The following CFAP61 variants were observed in gnomAD, a reference collection of about 807,000 sequenced individuals.
CFAP61 encodes the protein cilia and flagella associated protein 61, also known as cilia- and flagella-associated protein 61.
A neutral mutation model predicts 135.6 loss-of-function variants in CFAP61; 107 were observed. The observed-to-expected ratio is 0.79, with a 90% CI of 0.67 to 0.93. The LOEUF (loss-of-function observed/expected upper bound fraction) is 0.93, where lower values mean the gene tolerates loss of function less well. Ranked by LOEUF, CFAP61 falls within the 40% of genes least tolerant of loss-of-function variation. The pLI, the probability that CFAP61 is intolerant of heterozygous loss-of-function variation, is 0.00. For missense variants in CFAP61, 1,507 were observed against 1,556.2 expected (o/e 0.97, Z 0.53); for synonymous variants, 575 against 578.5 (o/e 0.99, Z 0.09).
chr20:20,340,148 A>G (rs1413777619), intron 25 of CFAP61, among the ~76,000 whole-genome samples: 1 of 152,264 alleles, frequency 6.6e-6, no homozygotes, highest in Non-Finnish European at 1.5e-5. Context: ...CCTGGAGTGC[A>G]CAGCCTCAAG....
chr20:20,066,153 C>T (rs947028256), intron 2 of CFAP61, among the ~76,000 whole-genome samples: 3 of 151,968 alleles, frequency 2.0e-5, no homozygotes, highest in Non-Finnish European at 4.4e-5. Context: ...GTCAGAATGG[C>T]GATCATTAAA....
At chr20:20,175,495 TTTTGTTTTGTTTTG>T (rs1569067608) in intron 13 of CFAP61, among the ~76,000 whole-genome samples, 5 of 4,238 alleles carry the variant, frequency 1.2e-3, no homozygotes, top group South Asian at 0.018. Context: ...TTTGTTTTTG[TTTTGTTTTGTTTTG>T]TTTTGTTTTG....
In CFAP61 at chr20:20,222,245, A is replaced by T. The variant is rs1282873482; in HGVS notation, c.1933-6004A>T. ...ATTTTAGCTTTTAAAAACATGCAAA[A>T]TAATGATAATGCCCAAATAGGGAAT... On this transcript the variant is annotated intron_variant, in intron 17 of 26. Transcript: ENST00000245957. Among the ~76,000 whole-genome samples, 42 of 152,248 alleles carry T rather than the reference A, an allele frequency of 2.8e-4. 2 individuals carry two copies. The highest frequency in any genetic ancestry group is 2.9e-5 in the Non-Finnish European group (2 of 68,038).
chr20:20,264,041 G>A (rs1461202516), intron 21 of CFAP61, among the ~76,000 whole-genome samples: 2 of 151,838 alleles, frequency 1.3e-5, no homozygotes, highest in African/African-American at 2.4e-5. Context: ...CTGATTTTTG[G>A]TGGACCATTT....
chr20:20,284,593 G>C (rs2054447509), intron 22 of CFAP61, among the ~76,000 whole-genome samples: 1 of 152,064 alleles, frequency 6.6e-6, no homozygotes, highest in South Asian at 2.1e-4. Flanking sequence ...CCTTCAATTG[G>C]CTTTTTAACT....
intron 25 of CFAP61, among the ~76,000 whole-genome samples, chr20:20,335,183 GT>G (rs1419848899): frequency 1.3e-5 from 2 of 152,230 alleles, no homozygotes; most frequent in Non-Finnish European, 2.9e-5. Flanking sequence ...TATTCTGTGG[GT>G]TTTTTTCCCC....
Position 20,263,052 on chromosome 20 carries a change from A to G in CFAP61, c.2425A>G (p.Asn809Asp). ...QRRYTGKVPC[N>D]HFTLNEEEDC... ...GCGGTACACGGGGAAAGTTCCTTGCAACCATTTCACTCTCAACGAGGAAGA... is the reference window on the plus strand; with the variant it reads ...GCGGTACACGGGGAAAGTTCCTTGCGACCATTTCACTCTCAACGAGGAAGA... Residue 809 changes from asparagine (N) to aspartate (D), a missense_variant, in exon 21 of 27, where the codon AAC (asparagine) becomes GAC (aspartate). By Grantham distance (23) the Asn-to-Asp change is conservative. Transcript: ENST00000245957. 6.2e-7 allele frequency: 1 copy of G among 1,614,114 alleles called. No homozygotes were observed. The highest frequency in any genetic ancestry group is 8.5e-7 in the Non-Finnish European group (1 of 1,179,984).
chr20:20,257,264 T>A (rs2051688043), intron 20 of CFAP61, among the ~76,000 whole-genome samples: 1 of 152,042 alleles, frequency 6.6e-6, no homozygotes, highest in Admixed American at 6.5e-5. Context: ...TCAGAAAAAA[T>A]TATCTTCCGT....
chr20:20,127,334 C>T lies in CFAP61; in HGVS notation c.860-15523C>T, dbSNP rs1041359659. ...ACCAGAGTTGGTTTTCTGGTTCCTT[C>T]TTATTTGGGTAGGCTCTGTCAGAGG... On this transcript the variant is annotated intron_variant, in intron 8 of 26. Coordinates refer to ENST00000245957, the MANE Select transcript of CFAP61 (RefSeq NM_015585.4). Among the ~76,000 whole-genome samples, 79 of 125,290 alleles carry T rather than the reference C, an allele frequency of 6.3e-4. 2 individuals are homozygous for T. The highest frequency in any genetic ancestry group is 2.1e-3 in the African/African-American group (74 of 35,254). The allele number at this position is 125,290 out of a possible 152,430, so 82.2% of individuals were successfully genotyped here.
rs73285309 is a variant in CFAP61 at position 20,276,404 on chromosome 20, A to C, written c.2504-762A>C. On this transcript the variant is annotated intron_variant, in intron 21 of 26. Coordinates refer to ENST00000245957, the MANE Select transcript of CFAP61 (RefSeq NM_015585.4). ...TCAAAAATAGCATATACTACATTTC[A>C]TTAATTTAATAGTGTCATTGACCTT... is the stretch of plus-strand genomic sequence containing the variant. 9.6e-3 allele frequency among the ~76,000 whole-genome samples: 1,466 copies of C among 152,348 alleles called. 22 individuals carry two copies. Among genetic ancestry groups the C allele is most frequent in the African/African-American group, 0.031 (1,304 of 41,574 alleles).
At chr20:20,230,413 A>G (rs1278404822) in intron 18 of CFAP61, among the ~76,000 whole-genome samples, 1 of 152,208 alleles carries the variant, frequency 6.6e-6, no homozygotes, top group Non-Finnish European at 1.5e-5. Context: ...TTTAACTGCC[A>G]TTTGAACTTA....
At chr20:20,186,070 A>C (rs1040584) in intron 13 of CFAP61, among the ~76,000 whole-genome samples, 1 of 152,138 alleles carries the variant, frequency 6.6e-6, no homozygotes, top group Non-Finnish European at 1.5e-5. Context: ...GTACAATTCA[A>C]TGGTTTGTAG....
intron 9 of CFAP61, among the ~76,000 whole-genome samples, chr20:20,156,755 A>G (rs2052942081): frequency 6.6e-6 from 1 of 152,218 alleles, no homozygotes. Flanking sequence ...CTACAACAGT[A>G]CAAATATGTT....
chr20:20,121,102 AC>A (rs2049585296), intron 8 of CFAP61, among the ~76,000 whole-genome samples: 1 of 106,446 alleles, frequency 9.4e-6, no homozygotes, highest in Admixed American at 9.5e-5. Flanking sequence ...TTTTATTTTT[AC>A]TTTTTTTTTT....
intron 8 of CFAP61, among the ~76,000 whole-genome samples, chr20:20,122,219 T>A (rs2049708506): frequency 6.6e-6 from 1 of 151,948 alleles, no homozygotes; most frequent in South Asian, 2.1e-4. Context: ...AGTGGCACAA[T>A]CTTGGCTCAC....
intron 13 of CFAP61, among the ~76,000 whole-genome samples, chr20:20,186,106 C>G (rs2055479064): frequency 6.6e-6 from 1 of 152,104 alleles, no homozygotes; most frequent in Non-Finnish European, 1.5e-5. Flanking sequence ...GTGCAGTTAC[C>G]ACGTCTATCT....
intron 26 of CFAP61, among the ~76,000 whole-genome samples, chr20:20,346,015 C>A (rs866158628): frequency 1.4e-5 from 2 of 140,362 alleles, no homozygotes; most frequent in Middle Eastern, 7.1e-3. Flanking sequence ...CATTCTCCTG[C>A]CTCAGCCTCC....
At chr20:20,153,332 T>C (rs1472046629) in intron 9 of CFAP61, among the ~76,000 whole-genome samples, 5 of 150,714 alleles carry the variant, frequency 3.3e-5, no homozygotes, top group Non-Finnish European at 7.4e-5. Flanking sequence ...CAAGAACAAA[T>C]CAAACCCAAA....
At chr20:20,054,134 C>T (rs967678221) in intron 1 of CFAP61, among the ~76,000 whole-genome samples, 11 of 150,390 alleles carry the variant, frequency 7.3e-5, no homozygotes, top group African/African-American at 2.0e-4. Flanking sequence ...TCTTGTATTC[C>T]ACTTCTTTCT....
Sources: gnomAD v4.1 joint callset for allele counts (sites outside exome capture counted in the v4.1 genomes callset) on GRCh38, gnomAD v4.1.1 for gene constraint, MANE v1.5 for transcripts, NCBI Gene and HGNC (gene_info 2026-07-23, HGNC 2026-07-21) for gene names.